The following CHODL variants were observed in gnomAD, a reference collection of about 807,000 sequenced individuals.
CHODL encodes the protein transmembrane protein MT75.
In CHODL, 29 loss-of-function variants were observed where a neutral mutation model predicts 34.5. The ratio of observed to expected loss-of-function variants is 0.84; its 90% CI spans 0.63 to 1.15. The LOEUF (loss-of-function observed/expected upper bound fraction) is 1.15, where lower values mean the gene tolerates loss of function less well. CHODL is among the 50% of genes most tolerant of loss of function. The pLI is 0.00. For synonymous variants in CHODL, 125 were observed against 116.1 expected, an observed-to-expected ratio of 1.08 and a Z score of -0.49; for missense variants, 332 against 332.5, an observed-to-expected ratio of 1.00 and a Z score of 0.01.
intron 1 of CHODL, among the ~76,000 whole-genome samples, chr21:17,991,312 TA>T (rs1174024741): frequency 6.6e-6 from 1 of 152,154 alleles, no homozygotes; most frequent in Non-Finnish European, 1.5e-5. Flanking sequence ...TTTCTTTTGA[TA>T]AATACCCAGT....
chr21:18,003,132 A>G (rs1363285896), intron 1 of CHODL, among the ~76,000 whole-genome samples: 1 of 129,070 alleles, frequency 7.7e-6, no homozygotes, highest in African/African-American at 2.7e-5. Context: ...AAAAAAAAAA[A>G]AAACAAAAAA....
intron 2 of CHODL, among the ~76,000 whole-genome samples, chr21:18,162,917 A>C (rs1297197575): frequency 1.3e-5 from 2 of 152,202 alleles, no homozygotes; most frequent in Non-Finnish European, 2.9e-5. Flanking sequence ...CTGGGACTGC[A>C]GGTGTACACC....
intron 2 of CHODL, among the ~76,000 whole-genome samples, chr21:18,131,120 AAGAGAGAGCAGAGAGAGAGAGAC>A (rs1214289008): frequency 2.0e-5 from 3 of 151,826 alleles, no homozygotes; most frequent in African/African-American, 7.3e-5. Context: ...CAGAGAGAGA[AAGAGAGAGCAGAGAGAGAGAGAC>A]AGAGAGAGCA....
chr21:17,937,462 G>T (rs770146700), intron 1 of CHODL, among the ~76,000 whole-genome samples: 4 of 152,232 alleles, frequency 2.6e-5, no homozygotes, highest in Non-Finnish European at 4.4e-5. Flanking sequence ...GGCAGAGAAA[G>T]CTCACGTTGA....
intron 2 of CHODL, among the ~76,000 whole-genome samples, chr21:18,035,307 C>A (rs1600921244): frequency 1.3e-5 from 2 of 151,978 alleles, no homozygotes; most frequent in South Asian, 4.1e-4. Flanking sequence ...TTATCACTTG[C>A]ATTGTTTTTG....
At chr21:18,239,907 C>T (rs1025955214), upstream of CHODL, among the ~76,000 whole-genome samples, 6 of 151,510 alleles carry the variant, frequency 4.0e-5, no homozygotes, top group Non-Finnish European at 1.5e-5. Context: ...AAACCATTGT[C>T]ATTTTTATAG....
intron 2 of CHODL, among the ~76,000 whole-genome samples, chr21:18,037,891 C>T (rs571301168): frequency 2.0e-5 from 3 of 151,866 alleles, no homozygotes; most frequent in African/African-American, 7.2e-5. Context: ...ATCAATTCTA[C>T]AAGTCTTGCA....
chr21:18,138,632 G>A (rs549102115), intron 2 of CHODL, among the ~76,000 whole-genome samples: 27 of 152,152 alleles, frequency 1.8e-4, no homozygotes, highest in South Asian at 6.2e-4. Flanking sequence ...AGAATTTCAC[G>A]GATTGTAAAG....
intron 4 of CHODL, among the ~76,000 whole-genome samples, chr21:18,262,432 T>C (rs541292445): frequency 1.7e-3 from 259 of 152,304 alleles, no homozygotes; most frequent in African/African-American, 5.9e-3. Context: ...ACCATGTTAC[T>C]ATACTGAATG....
intron 1 of CHODL, among the ~76,000 whole-genome samples, chr21:17,996,274 C>T (rs968938316): frequency 2.0e-5 from 3 of 152,116 alleles, no homozygotes; most frequent in African/African-American, 7.2e-5. Context: ...ATAGGGAAAA[C>T]ATGAGGCTAC....
At position 18,081,843 on chromosome 21, in the gene CHODL, G is replaced by A. The variant is rs183854970; in HGVS notation, c.-45+53872G>A. On this transcript the variant is annotated intron_variant, in intron 2 of 6. Coordinates refer to the CHODL transcript ENST00000400127. The stretch of plus-strand genomic sequence containing the variant: ...GATATGTTTCTTCTGTGGCTAGTTT[G>A]TTGAGGAATTTTATCACAAAGCAAT... 5.3e-5 allele frequency among the ~76,000 whole-genome samples: 8 copies of A among 152,196 alleles called. No homozygotes were observed. The East Asian group carries it at 1.5e-3, about 29-fold the overall frequency.
chr21:17,986,889 A>G (rs1258270028), intron 1 of CHODL, among the ~76,000 whole-genome samples: 1 of 152,180 alleles, frequency 6.6e-6, no homozygotes. Flanking sequence ...ATAGATACAT[A>G]CGTTTTAATA....
chr21:18,178,921 A>G (rs574723710), intron 2 of CHODL, among the ~76,000 whole-genome samples: 1 of 152,130 alleles, frequency 6.6e-6, no homozygotes, highest in Non-Finnish European at 1.5e-5. Context: ...TGATACACAT[A>G]CCCTATTTGT....
intron 2 of CHODL, among the ~76,000 whole-genome samples, chr21:18,204,718 A>C (rs189927729): frequency 6.6e-6 from 1 of 152,290 alleles, no homozygotes; most frequent in African/African-American, 2.4e-5. Context: ...TATCTGGAAA[A>C]TCACTTAACA....
intron 1 of CHODL, among the ~76,000 whole-genome samples, chr21:18,025,046 T>C (rs1423904498): frequency 6.6e-6 from 1 of 152,186 alleles, no homozygotes; most frequent in Non-Finnish European, 1.5e-5. Flanking sequence ...AAATAATTTA[T>C]GTTTCAATAG....
intron 2 of CHODL, among the ~76,000 whole-genome samples, chr21:18,167,921 A>G (rs2073177775): frequency 6.6e-6 from 1 of 152,158 alleles, no homozygotes; most frequent in African/African-American, 2.4e-5. Context: ...AGGCAGACTC[A>G]CCCTCAATCT....
intron 1 of CHODL, among the ~76,000 whole-genome samples, chr21:17,981,391 C>CT (rs1568828670): frequency 6.6e-6 from 1 of 152,022 alleles, no homozygotes. Context: ...GCGTTTGTTT[C>CT]TTTTTTTAAA....
chr21:18,210,939 T>TG (rs1568938903), intron 2 of CHODL, among the ~76,000 whole-genome samples: 2 of 152,154 alleles, frequency 1.3e-5, no homozygotes, highest in Non-Finnish European at 2.9e-5. Context: ...GTTTGGCACT[T>TG]GTTACCTCTC....
At chr21:18,187,081 C>G (rs186823144) in intron 2 of CHODL, among the ~76,000 whole-genome samples, 2 of 152,164 alleles carry the variant, frequency 1.3e-5, no homozygotes, top group Admixed American at 1.3e-4. Context: ...GTACTGTAAG[C>G]AAGGTAAAAA....
Sources: gnomAD v4.1 joint callset for allele counts (sites outside exome capture counted in the v4.1 genomes callset) on GRCh38, gnomAD v4.1.1 for gene constraint, MANE v1.5 for transcripts, NCBI Gene and HGNC (gene_info 2026-07-23, HGNC 2026-07-21) for gene names.